PDLIM1: variants seen among roughly 807,000 people sequenced by gnomAD.
The protein encoded by PDLIM1 is PDZ and LIM domain 1.
PDLIM1 carries 25 observed loss-of-function variants against 35.2 expected under a neutral mutation model. The ratio of observed to expected loss-of-function variants is 0.71; its 90% CI spans 0.52 to 0.99. The LOEUF (loss-of-function observed/expected upper bound fraction) is 0.99, where lower values mean the gene tolerates loss of function less well. Ranked by LOEUF, PDLIM1 falls within the 50% of genes least tolerant of loss-of-function variation. The pLI is 0.00. For missense variants in PDLIM1, 363 were observed against 415.3 expected (o/e 0.87, Z 1.09); for synonymous variants, 152 against 154.0 (o/e 0.99, Z 0.10).
chr10:95,245,925 G>A (rs2035215190), intron 5 of PDLIM1, among the ~76,000 whole-genome samples: 1 of 152,162 alleles, frequency 6.6e-6, no homozygotes, highest in Non-Finnish European at 1.5e-5. Flanking sequence ...CTTTGAGGAG[G>A]GAGGTTCATC....
intron 4 of PDLIM1, among the ~76,000 whole-genome samples, chr10:95,255,859 G>A (rs1471035642): frequency 4.0e-5 from 6 of 149,616 alleles, no homozygotes; most frequent in African/African-American, 1.5e-4. Flanking sequence ...TCAAAGATGC[G>A]ATGATCGAAT....
Position 95,238,647 on chromosome 10 carries a change from C to G in PDLIM1, c.724G>C (p.Ala242Pro). Reference sequence around the variant, plus strand: ...GACGCAGCCACTTTAGTGACAGGAGCTTTAACACTTCTGAATCCTGAGGGC... The same window carrying G: ...GACGCAGCCACTTTAGTGACAGGAGGTTTAACACTTCTGAATCCTGAGGGC... ...NKPSGFRSVK[A>P]PVTKVAASIG... The change falls in exon 6 of 7, where the codon GCT becomes CCT. Residue 242 changes from alanine to proline, a missense_variant. By Grantham distance (27) the Ala-to-Pro change is conservative (BLOSUM62 -1). Coordinates refer to ENST00000329399, the MANE Select transcript of PDLIM1 (RefSeq NM_020992.4). The G allele has an allele frequency of 6.2e-7, 1 of 1,613,990 alleles. No homozygotes were observed. The highest frequency in any genetic ancestry group is 8.5e-7 in the Non-Finnish European group (1 of 1,179,832).
chr10:95,259,774 G>C (rs1469656754), intron 4 of PDLIM1, among the ~76,000 whole-genome samples: 1 of 152,122 alleles, frequency 6.6e-6, no homozygotes, highest in Admixed American at 6.5e-5. Flanking sequence ...TTATTTCCAG[G>C]GCAGCTGCTT....
At position 95,274,560 on chromosome 10, in the gene PDLIM1, G is replaced by C. The variant is rs45613140; in HGVS notation, c.97-2776C>G. Among the ~76,000 whole-genome samples, 462 of 152,040 alleles carry C rather than the reference G, an allele frequency of 3.0e-3. 5 individuals carry two copies. The highest frequency in any genetic ancestry group is 0.011 in the African/African-American group (447 of 41,482). On this transcript the variant is annotated intron_variant, in intron 1 of 6. Coordinates refer to ENST00000329399, the MANE Select transcript of PDLIM1 (RefSeq NM_020992.4). ...GATCCACCCACCTCGGCCTCCCAAA[G>C]TGCTGGGATTACAGGCGTGAGCCAC...
At chr10:95,243,819 G>A (rs745344682) in intron 5 of PDLIM1, among the ~76,000 whole-genome samples, 7 of 152,036 alleles carry the variant, frequency 4.6e-5, no homozygotes, top group Admixed American at 2.0e-4. Flanking sequence ...GATGAACCCC[G>A]AGGATATTAA....
chr10:95,286,055 T>A (rs1259489027), intron 1 of PDLIM1, among the ~76,000 whole-genome samples: 2 of 152,222 alleles, frequency 1.3e-5, no homozygotes, highest in African/African-American at 4.8e-5. Flanking sequence ...CATGAGAGAC[T>A]AGGACACTCT....
chr10:95,268,223 CT>C (rs45520138), intron 3 of PDLIM1, among the ~76,000 whole-genome samples: 45 of 151,998 alleles, frequency 3.0e-4, no homozygotes, highest in East Asian at 1.7e-3. Context: ...CTATGTACTG[CT>C]TTTTTTTATA....
At chr10:95,258,356 G>A (rs753078452) in intron 4 of PDLIM1, among the ~76,000 whole-genome samples, 1 of 151,956 alleles carries the variant, frequency 6.6e-6, no homozygotes, top group Non-Finnish European at 1.5e-5. Context: ...AAAAAAATTA[G>A]CCGGGCATGG....
chr10:95,276,470 A>G (rs1210429628), intron 1 of PDLIM1, among the ~76,000 whole-genome samples: 1 of 152,200 alleles, frequency 6.6e-6, no homozygotes, highest in Non-Finnish European at 1.5e-5. Flanking sequence ...TTTACAAACC[A>G]TAACACAGAA....
chr10:95,252,096 C>G (rs2035272739), intron 4 of PDLIM1, among the ~76,000 whole-genome samples: 1 of 152,206 alleles, frequency 6.6e-6, no homozygotes. Flanking sequence ...GACTTCTAGT[C>G]TCACCAGGCT....
chr10:95,271,473 A>T (rs2035464555), intron 2 of PDLIM1, among the ~76,000 whole-genome samples, 160 bp downstream of exon 2: 1 of 151,986 alleles, frequency 6.6e-6, no homozygotes, highest in Non-Finnish European at 1.5e-5. Flanking sequence ...GGAAATAAGC[A>T]ATCTGAAGTT....
At chr10:95,286,465 C>A (rs932226461) in intron 1 of PDLIM1, among the ~76,000 whole-genome samples, 1 of 151,948 alleles carries the variant, frequency 6.6e-6, no homozygotes, top group Non-Finnish European at 1.5e-5. Context: ...TTTATCTTTA[C>A]AGGGAACTGA....
At chr10:95,286,293 G>C (rs2035601186) in intron 1 of PDLIM1, among the ~76,000 whole-genome samples, 2 of 151,930 alleles carry the variant, frequency 1.3e-5, no homozygotes, top group African/African-American at 4.8e-5. Flanking sequence ...GGGGGTGGAG[G>C]TTGCAGTGAG....
intron 1 of PDLIM1, among the ~76,000 whole-genome samples, chr10:95,280,055 C>T (rs1224697873): frequency 6.6e-6 from 1 of 152,138 alleles, no homozygotes; most frequent in African/African-American, 2.4e-5. Flanking sequence ...GCATATTAGT[C>T]CTTTTTAGTA....
At chr10:95,247,603 A>AG (rs1346645820) in intron 4 of PDLIM1, 26 of 402,758 alleles carry the variant, frequency 6.5e-5, no homozygotes, top group Middle Eastern at 6.5e-4. Context: ...TAGCTTCAGT[A>AG]GCTCAATTAC....
chr10:95,255,152 A>T (rs2035299337), intron 4 of PDLIM1, among the ~76,000 whole-genome samples: 1 of 152,062 alleles, frequency 6.6e-6, no homozygotes, highest in Non-Finnish European at 1.5e-5. Context: ...AATCAAAAAC[A>T]TCCCAACAAA....
chr10:95,272,406 G>T (rs2035472613), intron 1 of PDLIM1, among the ~76,000 whole-genome samples: 2 of 152,114 alleles, frequency 1.3e-5, no homozygotes, highest in African/African-American at 4.8e-5. Context: ...GACCAGGCAT[G>T]GTGGCTCATG....
At chr10:95,243,689 T>G (rs1304816696) in intron 5 of PDLIM1, among the ~76,000 whole-genome samples, 2 of 152,000 alleles carry the variant, frequency 1.3e-5, no homozygotes, top group African/African-American at 4.8e-5. Flanking sequence ...CTTCCAAACC[T>G]CCAATCATTG....
chr10:95,279,170 A>C (rs535431141), intron 1 of PDLIM1, among the ~76,000 whole-genome samples: 7 of 152,352 alleles, frequency 4.6e-5, no homozygotes, highest in African/African-American at 1.7e-4. Context: ...ATATGGCAAC[A>C]ATCAGCACCA....
Sources: allele counts gnomAD v4.1 joint callset (sites outside exome capture counted in the v4.1 genomes callset), GRCh38; gene constraint gnomAD v4.1.1; transcripts MANE v1.5; gene names NCBI Gene and HGNC (gene_info 2026-07-23, HGNC 2026-07-21).